Variants in ATXN1 observed in about 807,000 individuals in gnomAD.
The protein encoded by ATXN1 is ataxin 1, also known as ataxin-1.
A neutral mutation model predicts 56.4 loss-of-function variants in ATXN1; 8 were observed. The ratio of observed to expected loss-of-function variants is 0.14; its 90% CI spans 0.08 to 0.26. The LOEUF (loss-of-function observed/expected upper bound fraction) is 0.26. Among genes scored for constraint, ATXN1 ranks in the 10% least tolerant of loss-of-function variants. The pLI is 1.00. For synonymous variants in ATXN1, 514 were observed against 494.6 expected, an observed-to-expected ratio of 1.04 and a Z score of -0.52; for missense variants, 987 against 1,106.5, an observed-to-expected ratio of 0.89 and a Z score of 1.53.
At chr6:16,612,992 G>A (rs34656657) in intron 3 of ATXN1, among the ~76,000 whole-genome samples, 2,488 of 151,780 alleles carry the variant, frequency 0.016, 28 homozygotes, top group Non-Finnish European at 0.024. Context: ...TTGGCCGGGC[G>A]CGGTGGCTCA....
At chr6:16,346,612 G>C (rs1049951787) in intron 6 of ATXN1, among the ~76,000 whole-genome samples, 1 of 152,226 alleles carries the variant, frequency 6.6e-6, no homozygotes, top group African/African-American at 2.4e-5. Flanking sequence ...ACTGGCATTT[G>C]ATAACTCGTG....
chr6:16,539,482 A>G (rs1197118475), intron 4 of ATXN1, among the ~76,000 whole-genome samples: 1 of 152,232 alleles, frequency 6.6e-6, no homozygotes, highest in Admixed American at 6.5e-5. Flanking sequence ...GAAAAGAGAT[A>G]AGAGAGGAGC....
intron 4 of ATXN1, among the ~76,000 whole-genome samples, chr6:16,574,604 CTAAG>C (rs1304608239): frequency 6.6e-6 from 1 of 152,162 alleles, no homozygotes; most frequent in Non-Finnish European, 1.5e-5. Flanking sequence ...CTCGGCCTAC[CTAAG>C]TGTCAACTAG....
intron 2 of ATXN1, among the ~76,000 whole-genome samples, chr6:16,678,410 T>C (rs1361821334): frequency 6.6e-6 from 1 of 152,260 alleles, no homozygotes; most frequent in Non-Finnish European, 1.5e-5. Flanking sequence ...ATCATTTTTA[T>C]TCTATCTTAT....
At chr6:16,633,013 A>G (rs1763534461) in intron 3 of ATXN1, among the ~76,000 whole-genome samples, 1 of 151,444 alleles carries the variant, frequency 6.6e-6, no homozygotes, top group South Asian at 2.1e-4. Context: ...AAAAAAAAAG[A>G]AAAGAAAGAA....
intron 5 of ATXN1, among the ~76,000 whole-genome samples, chr6:16,520,747 T>C (rs998194076): frequency 6.6e-6 from 1 of 152,270 alleles, no homozygotes; most frequent in East Asian, 1.9e-4. Context: ...GACAGGAAAA[T>C]GGAAACCTTC....
intron 2 of ATXN1, among the ~76,000 whole-genome samples, chr6:16,731,471 T>C (rs1020120360): frequency 2.5e-3 from 259 of 103,670 alleles, no homozygotes; most frequent in African/African-American, 0.017. Flanking sequence ...TTTTTTTTTT[T>C]TTTTTTTTTT....
chr6:16,437,676 T>C (rs1759422561), intron 6 of ATXN1, among the ~76,000 whole-genome samples: 1 of 152,270 alleles, frequency 6.6e-6, no homozygotes, highest in Non-Finnish European at 1.5e-5. Context: ...CTTCCTGCTT[T>C]AATTATAATT....
chr6:16,700,064 T>C (rs1480646107), intron 2 of ATXN1, among the ~76,000 whole-genome samples: 1 of 152,224 alleles, frequency 6.6e-6, no homozygotes, highest in African/African-American at 2.4e-5. Flanking sequence ...TTACTCTGTA[T>C]TCTCACTCTC....
intron 2 of ATXN1, among the ~76,000 whole-genome samples, chr6:16,699,431 G>A (rs555901841): frequency 7.9e-5 from 12 of 152,342 alleles, no homozygotes; most frequent in Admixed American, 4.6e-4. Flanking sequence ...GAAAAGGGAA[G>A]AACAAACATG....
chr6:16,659,736 T>C (rs117194829), intron 2 of ATXN1, among the ~76,000 whole-genome samples: 1 of 152,346 alleles, frequency 6.6e-6, no homozygotes, highest in East Asian at 1.9e-4. Flanking sequence ...AATTTACCAG[T>C]AGCATGATAC....
intron 2 of ATXN1, among the ~76,000 whole-genome samples, chr6:16,750,726 CTTTTTGCTGCCTG>C (rs1232919283): frequency 6.6e-6 from 1 of 152,096 alleles, no homozygotes; most frequent in Non-Finnish European, 1.5e-5. Context: ...AGAGATATGA[CTTTTTGCTGCCTG>C]TTTTTTCACA....
rs955699932 is a variant in ATXN1 at position 16,495,165 on chromosome 6, T to C, written c.-298-9056A>G. Among the ~76,000 whole-genome samples, 15 of 152,226 alleles carry C rather than the reference T, an allele frequency of 9.9e-5. 1 individual carries two copies. The highest frequency in any genetic ancestry group is 6.5e-4 in the Admixed American group (10 of 15,280). On this transcript the variant is annotated intron_variant, in intron 5 of 7. Coordinates refer to ENST00000436367, the MANE Select transcript of ATXN1 (RefSeq NM_001128164.2). ...GTCTGCAAGATGCTAATGTGTGCAG[T>C]CCAGTCCTCTGACTTTAAGTCTGTT... is the stretch of plus-strand genomic sequence containing the variant.
chr6:16,329,719 G>A (rs1236576565), intron 6 of ATXN1, among the ~76,000 whole-genome samples: 1 of 152,134 alleles, frequency 6.6e-6, no homozygotes, highest in Non-Finnish European at 1.5e-5. Flanking sequence ...CACTAGAGAC[G>A]ACAGCTCTTT....
intron 5 of ATXN1, among the ~76,000 whole-genome samples, chr6:16,514,254 C>T (rs957667273): frequency 1.3e-5 from 2 of 152,030 alleles, no homozygotes; most frequent in African/African-American, 2.4e-5. Flanking sequence ...AGAGCAAGAA[C>T]GCAATGTGCA....
At chr6:16,730,206 G>C (rs534244748) in intron 2 of ATXN1, among the ~76,000 whole-genome samples, 15 of 152,298 alleles carry the variant, frequency 9.8e-5, no homozygotes, top group Non-Finnish European at 1.5e-4. Flanking sequence ...CTGAACCCGG[G>C]AGATGGACAT....
intron 6 of ATXN1, among the ~76,000 whole-genome samples, chr6:16,474,536 A>G (rs752235182): frequency 3.9e-4 from 59 of 152,202 alleles, no homozygotes; most frequent in Non-Finnish European, 1.2e-4. Context: ...GTGACCCACA[A>G]TCATAAGATT....
chr6:16,572,554 A>G (rs1467521583), intron 4 of ATXN1, among the ~76,000 whole-genome samples: 2 of 152,166 alleles, frequency 1.3e-5, no homozygotes, highest in Admixed American at 6.5e-5. Flanking sequence ...ATAAAAAAAT[A>G]TGGTTATTCT....
chr6:16,534,203 A>G (rs1761554333), intron 4 of ATXN1, among the ~76,000 whole-genome samples: 1 of 152,084 alleles, frequency 6.6e-6, no homozygotes, highest in African/African-American at 2.4e-5. Context: ...GTTATTGAGA[A>G]TGGCCATTAG....
Sources: allele counts gnomAD v4.1 joint callset (sites outside exome capture counted in the v4.1 genomes callset), GRCh38; gene constraint gnomAD v4.1.1; transcripts MANE v1.5; gene names NCBI Gene and HGNC (gene_info 2026-07-23, HGNC 2026-07-21).